The following RELN variants were observed in gnomAD, a reference collection of about 807,000 sequenced individuals.
RELN encodes reelin.
RELN carries 108 observed loss-of-function variants against 427.6 expected under a neutral mutation model. The observed-to-expected ratio is 0.25, with a 90% CI of 0.22 to 0.30. RELN has a LOEUF of 0.30. Among genes scored for constraint, RELN ranks in the 10% least tolerant of loss-of-function variants. RELN has a pLI of 1.00. For synonymous variants in RELN, 1,524 were observed against 1,513.4 expected, an observed-to-expected ratio of 1.01 and a Z score of -0.16; for missense variants, 3,715 against 4,302.8, an observed-to-expected ratio of 0.86 and a Z score of 3.82.
At chr7:103,574,437 C>A in intron 29 of RELN, 138 bp from the exon 30 acceptor site, 1 of 746,726 alleles carries the variant, frequency 1.3e-6, no homozygotes, top group Middle Eastern at 3.6e-4. Flanking sequence ...TTGTATCTCA[C>A]AACTGTCGGT....
chr7:103,490,580 T>C lies in RELN; in HGVS notation c.9605+88A>G, dbSNP rs1425575483. ...CCAGGGCTGCATGTAAAGCTCTGCC[T>C]CACACTGTCAGTTGTTTTCAGCTCA... On this transcript the variant is annotated intron_variant, in intron 59 of 64. Coordinates refer to ENST00000428762, the MANE Select transcript of RELN (RefSeq NM_005045.4). The C allele has an allele frequency of 2.2e-6, 3 of 1,394,158 alleles. No homozygotes were observed. The African/African-American group carries it at 4.3e-5, about 20-fold the overall frequency. 86.4% of individuals were successfully genotyped at this position (1,394,158 alleles called of 1,614,324 possible).
intron 1 of RELN, among the ~76,000 whole-genome samples, chr7:103,926,758 C>T (rs1446827666): frequency 1.3e-5 from 2 of 150,958 alleles, no homozygotes; most frequent in South Asian, 2.1e-4. Flanking sequence ...CATTTTCCTG[C>T]CTCAGCCTCC....
In RELN at chr7:103,545,567, T is replaced by C. The variant is rs144759893; in HGVS notation, c.6303-223A>G. Among the ~76,000 whole-genome samples the C allele has an allele frequency of 3.5e-3, 531 of 152,308 alleles. 4 individuals carry two copies. The highest frequency in any genetic ancestry group is 0.011 in the African/African-American group (476 of 41,558). On this transcript the variant is annotated intron_variant, in intron 41 of 64. Coordinates refer to ENST00000428762, the MANE Select transcript of RELN (RefSeq NM_005045.4). ...AGCTTTTCCTGATCCTATCAGAATG[T>C]CAATGTTTCACTTGATCTTCCCATC... is the stretch of plus-strand genomic sequence containing the variant.
intron 1 of RELN, among the ~76,000 whole-genome samples, chr7:103,956,991 C>T (rs562743195): frequency 2.0e-5 from 3 of 152,212 alleles, no homozygotes; most frequent in South Asian, 2.1e-4. Context: ...GAAGCACAGA[C>T]ACAGGTAACA....
chr7:103,940,099 A>G (rs1484041986), intron 1 of RELN, among the ~76,000 whole-genome samples: 1 of 152,208 alleles, frequency 6.6e-6, no homozygotes, highest in Admixed American at 6.5e-5. Context: ...CAGTCCAAAA[A>G]AATGGAAAGA....
intron 61 of RELN, among the ~76,000 whole-genome samples, chr7:103,485,994 A>G (rs1828425964): frequency 6.6e-6 from 1 of 151,982 alleles, no homozygotes; most frequent in Non-Finnish European, 1.5e-5. Flanking sequence ...AGAAATACAA[A>G]GCAATTCTCT....
At chr7:103,646,225 G>A (rs1218678359) in intron 16 of RELN, among the ~76,000 whole-genome samples, 1 of 151,580 alleles carries the variant, frequency 6.6e-6, no homozygotes, top group Non-Finnish European at 1.5e-5. Context: ...AGAAAAACAA[G>A]AATGAACCAA....
At chr7:103,548,731 T>C (rs1830351944) in intron 41 of RELN, among the ~76,000 whole-genome samples, 1 of 152,248 alleles carries the variant, frequency 6.6e-6, no homozygotes, top group Admixed American at 6.5e-5. Flanking sequence ...AAAATATAGA[T>C]GTCTGCAAGT....
At chr7:103,845,091 T>C (rs913529386) in intron 2 of RELN, among the ~76,000 whole-genome samples, 1 of 152,318 alleles carries the variant, frequency 6.6e-6, no homozygotes, top group South Asian at 2.1e-4. Flanking sequence ...CTAAATAACC[T>C]GTGATTGCTG....
intron 2 of RELN, among the ~76,000 whole-genome samples, chr7:103,865,179 A>T (rs1471396761): frequency 1.3e-5 from 2 of 151,482 alleles, no homozygotes; most frequent in East Asian, 3.9e-4. Flanking sequence ...TCTTAGAAAC[A>T]TACAAGCTAC....
chr7:103,729,990 T>C (rs957373135), intron 6 of RELN, among the ~76,000 whole-genome samples: 1 of 152,050 alleles, frequency 6.6e-6, no homozygotes, highest in Admixed American at 6.6e-5. Context: ...CTGATTGGGA[T>C]TGTGATAAAA....
intron 57 of RELN, among the ~76,000 whole-genome samples, chr7:103,494,113 A>T (rs1009123654): frequency 1.3e-5 from 2 of 152,168 alleles, no homozygotes; most frequent in South Asian, 4.1e-4. Flanking sequence ...AAGTAGAGGA[A>T]GTGTAACACT....
At position 103,854,106 on chromosome 7, in the gene RELN, T is replaced by G. The variant is rs146360718; in HGVS notation, c.338-20434A>C. 5.8e-3 allele frequency among the ~76,000 whole-genome samples: 886 copies of G among 152,318 alleles called. 13 individuals carry two copies. The highest frequency in any genetic ancestry group is 0.021 in the African/African-American group (854 of 41,588). The stretch of plus-strand genomic sequence containing the variant: ...ATCTCACAAATATACACAATTATTA[T>G]GTGTCAACTAAAAATAAAAGGAAAA... On this transcript the variant is annotated intron_variant, in intron 2 of 64. Coordinates refer to ENST00000428762, the MANE Select transcript of RELN (RefSeq NM_005045.4).
Position 103,988,986 on chromosome 7 carries a change from T to A in RELN, c.226+145A>T, listed in dbSNP as rs1220730582. On this transcript the variant is annotated intron_variant, in intron 1 of 64. Coordinates refer to ENST00000428762, the MANE Select transcript of RELN (RefSeq NM_005045.4). The surrounding 1 kb of genome is among the most constrained non-coding windows in gnomAD (Gnocchi z 4.9). ...ACTCCATTCTCCACTAACTTTATTC[T>A]CGCTCCCTGGACCAAGCGCATCGCT... The A allele has an allele frequency of 2.8e-6, 2 of 704,854 alleles. No homozygotes were observed. The highest frequency in any genetic ancestry group is 3.6e-5 in the African/African-American group (2 of 55,952). 43.7% of individuals were successfully genotyped at this position (704,854 alleles called of 1,614,324 possible).
In RELN at chr7:103,640,491, A is replaced by G; in HGVS notation, c.2069+52T>C. On this transcript the variant is annotated intron_variant, in intron 17 of 64. Transcript: ENST00000428762. This position sits in a 1 kb window ranked among gnomAD's most constrained non-coding sequence, Gnocchi z 4.1. The stretch of plus-strand genomic sequence containing the variant: ...ATTAAATGACTTGCGACTTCAACAC[A>G]TACATTACACATCAAAAAGGAGAAG... 1.3e-6 allele frequency: 2 copies of G among 1,570,574 alleles called. No homozygotes were observed. The highest frequency in any genetic ancestry group is 1.8e-6 in the Non-Finnish European group (2 of 1,140,824).
chr7:103,896,431 G>A (rs539295851), intron 2 of RELN, among the ~76,000 whole-genome samples: 26 of 152,130 alleles, frequency 1.7e-4, no homozygotes, highest in Middle Eastern at 3.4e-3. Flanking sequence ...CAGGAGGATG[G>A]AAGAACAAAC....
At chr7:103,519,242 C>A (rs1829644035) in intron 49 of RELN, 81 bp downstream of exon 49, 2 of 1,056,816 alleles carry the variant, frequency 1.9e-6, no homozygotes, top group Non-Finnish European at 3.0e-6. Flanking sequence ...GTCTGAGGTC[C>A]CCCTCAGTCT....
At chr7:103,860,948 CA>C (rs1382878798) in intron 2 of RELN, among the ~76,000 whole-genome samples, 1 of 151,884 alleles carries the variant, frequency 6.6e-6, no homozygotes, top group Non-Finnish European at 1.5e-5. Flanking sequence ...ATATAAAATG[CA>C]AAAATAACAA....
chr7:103,933,547 C>T (rs1213245274), intron 1 of RELN, among the ~76,000 whole-genome samples: 1 of 151,736 alleles, frequency 6.6e-6, no homozygotes, highest in African/African-American at 2.4e-5. Context: ...GGAAGGAAGG[C>T]AGGCAGGCAG....
Sources: gnomAD v4.1 joint callset for allele counts (sites outside exome capture counted in the v4.1 genomes callset) on GRCh38, gnomAD v4.1.1 for gene constraint, Gnocchi (gnomAD v3.1) non-coding constraint, MANE v1.5 for transcripts, NCBI Gene and HGNC (gene_info 2026-07-23, HGNC 2026-07-21) for gene names.